MORN1: variants seen among roughly 807,000 people sequenced by gnomAD.
MORN1 encodes the protein MORN repeat-containing protein 1.
Under a neutral mutation model 61.9 loss-of-function variants are expected in MORN1, and 67 were observed. The ratio of observed to expected loss-of-function variants is 1.08; its 90% CI spans 0.89 to 1.33. The LOEUF (loss-of-function observed/expected upper bound fraction) is 1.33, where lower values mean the gene tolerates loss of function less well. MORN1 is among the 40% of genes most tolerant of loss of function. The pLI is 0.00. For synonymous variants in MORN1, 301 were observed against 292.0 expected (o/e 1.03, Z -0.31); for missense variants, 752 against 691.2 (o/e 1.09, Z -0.99).
intron 2 of MORN1, among the ~76,000 whole-genome samples, chr1:2,389,647 A>T (rs1001659516): frequency 1.3e-5 from 2 of 152,244 alleles, no homozygotes; most frequent in Admixed American, 6.5e-5. Flanking sequence ...TAAACCATAA[A>T]GCCAGTTTTC....
At chr1:2,356,341 G>A (rs1161991451) in intron 10 of MORN1, among the ~76,000 whole-genome samples, 1 of 152,150 alleles carries the variant, frequency 6.6e-6, no homozygotes, top group Non-Finnish European at 1.5e-5. Flanking sequence ...TCAAACCTGG[G>A]ACATTTATCT....
intron 6 of MORN1, 81 bp from the exon 7 acceptor site, chr1:2,374,638 G>C: frequency 1.6e-6 from 2 of 1,250,448 alleles, no homozygotes; most frequent in Non-Finnish European, 2.3e-6. Flanking sequence ...CAGCTTCCTG[G>C]TGCTACAGCA....
chr1:2,328,795 CACAGCCTGTGTGTCCTGCCCCATGGA>C (rs1641088221), intron 12 of MORN1, among the ~76,000 whole-genome samples: 1 of 152,200 alleles, frequency 6.6e-6, no homozygotes, highest in Non-Finnish European at 1.5e-5. Context: ...TCCCGGGGAG[CACAGCCTGTGTGTCCTGCCCCATGGA>C]ACACCCGGAG....
chr1:2,324,929 G>A (rs1010458044), intron 12 of MORN1, among the ~76,000 whole-genome samples: 8 of 151,744 alleles, frequency 5.3e-5, no homozygotes, highest in African/African-American at 1.9e-4. Context: ...TGAGGACGTG[G>A]CCATGGCCCT....
At chr1:2,342,867 ATTTATTTTATTTTAT>A (rs1553211058) in intron 10 of MORN1, among the ~76,000 whole-genome samples, 50 of 101,108 alleles carry the variant, frequency 4.9e-4, no homozygotes, top group African/African-American at 1.5e-3. Flanking sequence ...ATTTTATTTT[ATTTATTTTATTTTAT>A]TTTATTTTAT....
chr1:2,336,188 C>T (rs1040978135), intron 12 of MORN1, among the ~76,000 whole-genome samples: 10 of 152,234 alleles, frequency 6.6e-5, no homozygotes, highest in African/African-American at 2.4e-4. Context: ...TGCCCACAGC[C>T]TGGTCCGCCC....
intron 12 of MORN1, among the ~76,000 whole-genome samples, chr1:2,335,067 G>A (rs1035834055): frequency 3.9e-5 from 6 of 152,304 alleles, no homozygotes; most frequent in East Asian, 1.9e-4. Context: ...TGAAGTTATC[G>A]TACAAAGTGA....
intron 12 of MORN1, among the ~76,000 whole-genome samples, chr1:2,335,829 A>AGCCCAGCCCGGCCCG (rs1553208731): frequency 7.2e-6 from 1 of 139,352 alleles, no homozygotes; most frequent in African/African-American, 3.4e-5. Context: ...TCGCCTCCAT[A>AGCCCAGCCCGGCCCG]GCCCAGCCCA....
intron 12 of MORN1, among the ~76,000 whole-genome samples, chr1:2,331,747 G>A (rs560731505): frequency 2.1e-4 from 32 of 152,294 alleles, no homozygotes; most frequent in African/African-American, 7.2e-4. Flanking sequence ...TAACAAAGGC[G>A]CGCGTTTCTC....
rs571973928 is a variant in MORN1, at chr1:2,365,985, C to T, written c.745+6496G>A. Among the ~76,000 whole-genome samples, 186 of 145,766 alleles carry T rather than the reference C, an allele frequency of 1.3e-3. 1 individual carries two copies. The highest frequency in any genetic ancestry group is 4.2e-3 in the African/African-American group (166 of 39,076). On this transcript the variant is annotated intron_variant, in intron 8 of 13. Coordinates refer to ENST00000378531, the MANE Select transcript of MORN1 (RefSeq NM_024848.3). ...AGCCATCCCATTACTGGGTATATAC[C>T]CAAAGGACTATAAATCATGCTGCTA...
In MORN1 at chr1:2,337,200, G is replaced by C. The variant is rs370211934; in HGVS notation, c.1037-350C>G. Among the ~76,000 whole-genome samples, 1 of 152,216 alleles carries C rather than the reference G, an allele frequency of 6.6e-6. No homozygotes were observed. Among genetic ancestry groups the C allele is most frequent in the South Asian group, 2.1e-4 (1 of 4,834 alleles). The stretch of plus-strand genomic sequence containing the variant: ...TCGCTTCCAGGGTAGGGCCGGGACC[G>C]GGGCCCTGGCCGGAGAGGCTGGCGC... On this transcript the variant is annotated intron_variant, in intron 10 of 13. Transcript: ENST00000378531. This position sits in a 1 kb window ranked among gnomAD's most constrained non-coding sequence, Gnocchi z 5.7.
intron 10 of MORN1, among the ~76,000 whole-genome samples, chr1:2,356,095 C>T (rs11577374): frequency 0.18 from 26,791 of 152,140 alleles, 2,820 homozygotes; most frequent in Non-Finnish European, 0.25. Flanking sequence ...GACTCAGGGG[C>T]GGCAGGTGGG....
At chr1:2,378,715 CTG>C (rs1227809559) in intron 6 of MORN1, 3 of 358,300 alleles carry the variant, frequency 8.4e-6, no homozygotes. Context: ...GGCCTCTACT[CTG>C]TCTGCTCCGT....
intron 10 of MORN1, among the ~76,000 whole-genome samples, chr1:2,346,472 G>C (rs759079423): frequency 1.3e-5 from 2 of 152,116 alleles, no homozygotes; most frequent in Non-Finnish European, 2.9e-5. Flanking sequence ...TGCAACCTCC[G>C]ACTCCCTGGT....
At chr1:2,370,296 A>G in intron 8 of MORN1, among the ~76,000 whole-genome samples, 1 of 152,226 alleles carries the variant, frequency 6.6e-6, no homozygotes, top group East Asian at 1.9e-4. Flanking sequence ...CATCCCCATG[A>G]AGAAAAGATG....
intron 6 of MORN1, among the ~76,000 whole-genome samples, chr1:2,382,857 G>A (rs1045738210): frequency 1.3e-5 from 2 of 152,204 alleles, no homozygotes; most frequent in African/African-American, 4.8e-5. Flanking sequence ...GCCCTGAGCA[G>A]GGCTGGCAGA....
intron 8 of MORN1, among the ~76,000 whole-genome samples, chr1:2,370,171 G>A (rs981259984): frequency 6.6e-6 from 1 of 152,164 alleles, no homozygotes; most frequent in Non-Finnish European, 1.5e-5. Context: ...GGAGCAGACG[G>A]GGGGTCCAGG....
intron 12 of MORN1, among the ~76,000 whole-genome samples, chr1:2,324,629 A>G (rs1640960095): frequency 2.0e-5 from 3 of 152,154 alleles, no homozygotes; most frequent in African/African-American, 7.2e-5. Flanking sequence ...ACAGAGGCCC[A>G]GTGTCACCTG....
At chr1:2,361,902 A>C (rs1017649330) in intron 8 of MORN1, among the ~76,000 whole-genome samples, 25 of 152,370 alleles carry the variant, frequency 1.6e-4, no homozygotes, top group Non-Finnish European at 2.5e-4. Flanking sequence ...TAATAAAGTA[A>C]GCTAGAAAAA....
Sources: gnomAD v4.1 joint callset for allele counts (sites outside exome capture counted in the v4.1 genomes callset) on GRCh38, gnomAD v4.1.1 for gene constraint, Gnocchi (gnomAD v3.1) non-coding constraint, MANE v1.5 for transcripts, NCBI Gene and HGNC (gene_info 2026-07-23, HGNC 2026-07-21) for gene names.